ABCB7: variants seen among roughly 807,000 people sequenced by gnomAD.
ABCB7 encodes ATP binding cassette subfamily B member 7.
ABCB7 carries 7 observed loss-of-function variants against 54.4 expected under a neutral mutation model. That is an observed-to-expected ratio of 0.13 (90% confidence interval 0.07 to 0.24). ABCB7 has a LOEUF of 0.24. Among genes scored for constraint, ABCB7 ranks in the 10% least tolerant of loss-of-function variants. ABCB7 has a pLI of 1.00. For synonymous variants in ABCB7, 218 were observed against 207.1 expected (o/e 1.05, Z -0.45); for missense variants, 356 against 570.4 (o/e 0.62, Z 3.83).
intron 6 of ABCB7, among the ~76,000 whole-genome samples, chrX:75,075,051 A>G (rs922122123): frequency 7.2e-5 from 8 of 111,773 alleles, no homozygotes; most frequent in African/African-American, 2.6e-4. Flanking sequence ...GGTGATGAGA[A>G]ACCTAGATAT....
At position 75,053,299 on chromosome X, in the gene ABCB7, T is replaced by A. The variant is rs1602322305; in HGVS notation, c.*71A>T. 1.3e-5 allele frequency: 15 copies of A among 1,158,971 alleles called. No homozygotes were observed. In the East Asian group the frequency reaches 3.6e-4, roughly 28 times the overall value. On this transcript the variant is annotated 3_prime_UTR_variant, in exon 16 of 16. Transcript: ENST00000373394. The stretch of plus-strand genomic sequence containing the variant: ...AGAAAATGGGAATGTATGATTTTTT[T>A]AATAAAACAATTCTGCTTCAGTGCA...
intron 8 of ABCB7, among the ~76,000 whole-genome samples, chrX:75,073,376 AGG>A (rs1351447481): frequency 9.0e-6 from 1 of 111,706 alleles, no homozygotes; most frequent in East Asian, 2.8e-4. Flanking sequence ...ACTTGCTGAC[AGG>A]AACTTTTCAG....
intron 1 of ABCB7, among the ~76,000 whole-genome samples, chrX:75,134,309 G>A (rs2081994654): frequency 9.0e-6 from 1 of 111,652 alleles, no homozygotes; most frequent in South Asian, 3.8e-4. Flanking sequence ...TGACACTAGA[G>A]CACCCAGATT....
At chrX:75,104,215 T>C (rs1456738756) in intron 3 of ABCB7, among the ~76,000 whole-genome samples, 2 of 106,436 alleles carry the variant, frequency 1.9e-5, no homozygotes, top group African/African-American at 3.4e-5. Context: ...AGATTTTGAA[T>C]TTTATCAAAT....
chrX:75,115,008 G>A (rs1008446775), intron 1 of ABCB7, among the ~76,000 whole-genome samples, 177 bp from the exon 2 acceptor site: 2 of 111,028 alleles, frequency 1.8e-5, no homozygotes, highest in African/African-American at 6.6e-5. Context: ...GGTGGCTCAC[G>A]CCTATAATCC....
chrX:75,101,057 A>T (rs187171898), intron 3 of ABCB7, among the ~76,000 whole-genome samples: 2 of 73,175 alleles, frequency 2.7e-5, no homozygotes, highest in Non-Finnish European at 5.5e-5. Context: ...TTGTGGGAAA[A>T]AATGTGATAT....
At chrX:75,101,760 C>T (rs1316904484) in intron 3 of ABCB7, among the ~76,000 whole-genome samples, 1 of 111,689 alleles carries the variant, frequency 9.0e-6, no homozygotes, top group African/African-American at 3.2e-5. Flanking sequence ...TCTTTAGAAA[C>T]ACTCTCTTCT....
chrX:75,053,854 G>C lies in ABCB7; in HGVS notation c.2044-269C>G, dbSNP rs28631497. Among the ~76,000 whole-genome samples, 1,463 of 111,515 alleles carry C rather than the reference G, an allele frequency of 0.013. 17 individuals are homozygous for C. The highest frequency in any genetic ancestry group is 0.045 in the African/African-American group (1,389 of 30,721). ...TATTTAAAGGAAATAAAATTGTAAT[G>C]TTTCATTTGTCATTTTGAAGGGAAG... On this transcript the variant is annotated intron_variant, in intron 15 of 15. Coordinates refer to ENST00000373394, the MANE Select transcript of ABCB7 (RefSeq NM_001271696.3).
chrX:75,051,264 T>G lies in ABCB7; in HGVS notation c.*2106A>C, dbSNP rs971418835. Among the ~76,000 whole-genome samples, 1 of 111,630 alleles carries G rather than the reference T, an allele frequency of 9.0e-6. No homozygotes were observed. Among genetic ancestry groups the G allele is most frequent in the African/African-American group, 3.3e-5 (1 of 30,753 alleles). Reference sequence around the variant, plus strand: ...CAAAGACTACGAAATACTGGTTTCATGTTACTTATCAAATTACCTTTATAT... The same window carrying G: ...CAAAGACTACGAAATACTGGTTTCAGGTTACTTATCAAATTACCTTTATAT... On this transcript the variant is annotated 3_prime_UTR_variant, in exon 16 of 16. Coordinates refer to ENST00000373394, the MANE Select transcript of ABCB7 (RefSeq NM_001271696.3).
At position 75,069,146 on chromosome X, in the gene ABCB7, G is replaced by T; in HGVS notation, c.1530-10C>A. The T allele has an allele frequency of 8.3e-7, 1 of 1,210,232 alleles. No homozygotes were observed. The highest frequency in any genetic ancestry group is 1.1e-6 in the Non-Finnish European group (1 of 894,314). On this transcript the variant is annotated splice_polypyrimidine_tract_variant and intron_variant, in intron 11 of 15. Coordinates refer to ENST00000373394, the MANE Select transcript of ABCB7 (RefSeq NM_001271696.3). ...CACTATTGTGCTTTTCCTGAAATTG[G>T]AGATGAAGAAAGGTTATTTAGCTCC...
At chrX:75,060,429 A>G (rs1348423358) in intron 14 of ABCB7, 99 bp from the exon 15 acceptor site, 4 of 665,752 alleles carry the variant, frequency 6.0e-6, no homozygotes, top group African/African-American at 2.4e-5. Flanking sequence ...AAGGAACATA[A>G]AAAATGCCAG....
At position 75,117,790 on chromosome X, in the gene ABCB7, G is replaced by C. The variant is rs962138446; in HGVS notation, c.169-2959C>G. On this transcript the variant is annotated intron_variant, in intron 1 of 15. Transcript: ENST00000373394. ...GCTGGAAAAAATCCCTTTGCTACTGGCAAGTGGCCACCTGAACTCTTCAGT... is the reference window on the plus strand; with the variant it reads ...GCTGGAAAAAATCCCTTTGCTACTGCCAAGTGGCCACCTGAACTCTTCAGT... Among the ~76,000 whole-genome samples the C allele has an allele frequency of 3.6e-5, 4 of 111,611 alleles. No individual in the cohort carries two copies. In the Admixed American group the frequency reaches 3.8e-4, roughly 11 times the overall value.
intron 4 of ABCB7, among the ~76,000 whole-genome samples, chrX:75,086,118 A>C (rs2081495581): frequency 9.0e-6 from 1 of 111,250 alleles, no homozygotes; most frequent in Non-Finnish European, 1.9e-5. Context: ...AAGTGCTGGG[A>C]TTACAGGTAT....
At chrX:75,146,636 G>C (rs1320556809) in intron 1 of ABCB7, among the ~76,000 whole-genome samples, 1 of 111,823 alleles carries the variant, frequency 8.9e-6, no homozygotes, top group Non-Finnish European at 1.9e-5. Context: ...ATTGAAACTG[G>C]AGCCTTCCTT....
chrX:75,138,750 C>T (rs1018093613), intron 1 of ABCB7, among the ~76,000 whole-genome samples: 4 of 111,337 alleles, frequency 3.6e-5, no homozygotes, highest in Admixed American at 9.5e-5. Context: ...GTGGCTCACG[C>T]CTGTAATCCC....
intron 1 of ABCB7, among the ~76,000 whole-genome samples, chrX:75,115,116 A>C (rs1329473230): frequency 9.3e-6 from 1 of 107,811 alleles, no homozygotes; most frequent in Non-Finnish European, 1.9e-5. Flanking sequence ...AAAAATATAA[A>C]AATTAGCTGG....
chrX:75,073,110 C>T (rs921197494), intron 8 of ABCB7, among the ~76,000 whole-genome samples: 4 of 110,503 alleles, frequency 3.6e-5, no homozygotes, highest in East Asian at 2.8e-4. Context: ...GACAACAATG[C>T]CTTCTTCTGG....
chrX:75,094,223 C>CT (rs1039240500), intron 4 of ABCB7, among the ~76,000 whole-genome samples: 2 of 109,314 alleles, frequency 1.8e-5, no homozygotes, highest in African/African-American at 6.7e-5. Flanking sequence ...GCACTTGATA[C>CT]TTTAACTTCC....
chrX:75,114,785 C>T lies in ABCB7; in HGVS notation c.215G>A (p.Gly72Asp). The change falls in exon 2 of 16, where the codon GGC becomes GAC. Residue 72 changes from glycine (G) to aspartate (D), a missense_variant. Gly to Asp is a moderately conservative substitution (Grantham distance 94, BLOSUM62 -1). Coordinates refer to ENST00000373394, the MANE Select transcript of ABCB7 (RefSeq NM_001271696.3). ...KSITWQRLGK[G>D]NSGQFLDAAK... is the part of the protein sequence containing the mutation. ...AGCATCTAAGAACTGTCCTGAATTGCCTTTTCCCAATCTCTGCCATGTGAT... is the reference window on the plus strand; with the variant it reads ...AGCATCTAAGAACTGTCCTGAATTGTCTTTTCCCAATCTCTGCCATGTGAT... 8.3e-7 allele frequency: 1 copy of T among 1,201,582 alleles called. No individual in the cohort carries two copies. Among genetic ancestry groups the T allele is most frequent in the Non-Finnish European group, 1.1e-6 (1 of 888,824 alleles).
Sources: allele counts gnomAD v4.1 joint callset (sites outside exome capture counted in the v4.1 genomes callset), GRCh38; gene constraint gnomAD v4.1.1; transcripts MANE v1.5; gene names NCBI Gene and HGNC (gene_info 2026-07-23, HGNC 2026-07-21).